The following GPA33 variants were observed in gnomAD, a reference collection of about 807,000 sequenced individuals.
GPA33 encodes the protein glycoprotein A33, also known as cell surface A33 antigen.
GPA33 carries 27 observed loss-of-function variants against 35.6 expected under a neutral mutation model. The ratio of observed to expected loss-of-function variants is 0.76; its 90% CI spans 0.56 to 1.04. The LOEUF (loss-of-function observed/expected upper bound fraction) is 1.04, where lower values mean the gene tolerates loss of function less well. Ranked by LOEUF, GPA33 falls within the 50% of genes least tolerant of loss-of-function variation. The probability of loss-of-function intolerance (pLI) is 0.00; values close to 1 mark genes in which losing one functional copy is unlikely to be tolerated. For synonymous variants in GPA33, 176 were observed against 164.0 expected, an observed-to-expected ratio of 1.07 and a Z score of -0.56; for missense variants, 428 against 411.9, an observed-to-expected ratio of 1.04 and a Z score of -0.34.
intron 1 of GPA33, among the ~76,000 whole-genome samples, chr1:167,073,796 C>T (rs1348732722): frequency 6.6e-6 from 1 of 152,182 alleles, no homozygotes; most frequent in African/African-American, 2.4e-5. Flanking sequence ...CTCAGCCCTA[C>T]TTCTTACCAG....
chr1:167,079,484 C>CAAAAAAA (rs59745946), intron 1 of GPA33, among the ~76,000 whole-genome samples: 1 of 75,616 alleles, frequency 1.3e-5, no homozygotes, highest in Non-Finnish European at 3.1e-5. Flanking sequence ...ACTCCGTCTC[C>CAAAAAAA]AAAAAAAAAA....
At chr1:167,056,827 A>ATG (rs1491064873) in intron 4 of GPA33, among the ~76,000 whole-genome samples, 170 of 8,984 alleles carry the variant, frequency 0.019, no homozygotes, top group African/African-American at 0.023. Flanking sequence ...CAGCGTTTGT[A>ATG]GTGTGTGTGG....
chr1:167,073,676 C>T, intron 1 of GPA33, 137 bp from the exon 2 acceptor site: 2 of 730,438 alleles, frequency 2.7e-6, no homozygotes, highest in Non-Finnish European at 4.4e-6. Context: ...ATCTTGGCCA[C>T]CTTGGCCCTG....
intron 1 of GPA33, among the ~76,000 whole-genome samples, chr1:167,083,078 C>T (rs1432543809): frequency 6.6e-6 from 1 of 152,140 alleles, no homozygotes; most frequent in African/African-American, 2.4e-5. Context: ...CCCCCCAAGT[C>T]CACTATGTCC....
At chr1:167,083,297 TGA>T (rs1666989002) in intron 1 of GPA33, among the ~76,000 whole-genome samples, 1 of 152,226 alleles carries the variant, frequency 6.6e-6, no homozygotes, top group Non-Finnish European at 1.5e-5. Context: ...AGGAACATTT[TGA>T]GAGAAGCAAG....
intron 3 of GPA33, among the ~76,000 whole-genome samples, chr1:167,065,911 T>C (rs1887537): frequency 0.73 from 111,250 of 151,944 alleles, 41,412 homozygotes; most frequent in Non-Finnish European, 0.78. Flanking sequence ...AGTCTGCGGC[T>C]TAAGGACCAC....
In GPA33 at chr1:167,063,743, T is replaced by C. The variant is rs1666522130; in HGVS notation, c.416-6A>G. The C allele has an allele frequency of 6.2e-7, 1 of 1,610,408 alleles. No homozygotes were observed. Among genetic ancestry groups the C allele is most frequent in the East Asian group, 2.2e-5 (1 of 44,814 alleles). On this transcript the variant is annotated splice_polypyrimidine_tract_variant and splice_region_variant and intron_variant, in intron 3 of 6. Coordinates refer to ENST00000367868, the MANE Select transcript of GPA33 (RefSeq NM_005814.3). ...TTCTGGTTTGGAGGGTGGCACTATATAGAGGAGAGACCAAAGAGAAGGCAT... is the reference window on the plus strand; with the variant it reads ...TTCTGGTTTGGAGGGTGGCACTATACAGAGGAGAGACCAAAGAGAAGGCAT...
Position 167,086,157 on chromosome 1 carries a change from A to G in GPA33, c.43+4088T>C, listed in dbSNP as rs148442444. Among the ~76,000 whole-genome samples, 153 of 152,378 alleles carry G rather than the reference A, an allele frequency of 1.0e-3. 1 individual carries two copies. Among genetic ancestry groups the G allele is most frequent in the African/African-American group, 3.4e-3 (142 of 41,588 alleles). On this transcript the variant is annotated intron_variant, in intron 1 of 6. Transcript: ENST00000367868. Reference sequence around the variant, plus strand: ...GCGTCTCTGACAGGGAGGCAATGTGATTCATTCCAGGTGCATGAGCTCTTC... The same window carrying G: ...GCGTCTCTGACAGGGAGGCAATGTGGTTCATTCCAGGTGCATGAGCTCTTC...
intron 2 of GPA33, among the ~76,000 whole-genome samples, chr1:167,071,553 G>C (rs532010047): frequency 2.0e-5 from 3 of 152,336 alleles, no homozygotes; most frequent in African/African-American, 7.2e-5. Context: ...CAACAGACCA[G>C]GTTGAGGCAG....
intron 1 of GPA33, among the ~76,000 whole-genome samples, chr1:167,087,908 T>TCACACACACACACACA (rs1491326252): frequency 0.012 from 1,792 of 149,170 alleles, 30 homozygotes; most frequent in African/African-American, 0.018. Context: ...CCAGACTCTG[T>TCACACACACACACACA]CTCACACACA....
At chr1:167,079,496 A>G (rs575198592) in intron 1 of GPA33, among the ~76,000 whole-genome samples, 5 of 152,108 alleles carry the variant, frequency 3.3e-5, no homozygotes, top group South Asian at 4.1e-4. Context: ...AAAAAAAAAA[A>G]AAAAAGAAAA....
intron 4 of GPA33, among the ~76,000 whole-genome samples, chr1:167,062,646 C>CTTTTTTGTTTT (rs1666483366): frequency 1.3e-5 from 1 of 79,990 alleles, no homozygotes; most frequent in Non-Finnish European, 2.4e-5. Flanking sequence ...ATAGCTCTTT[C>CTTTTTTGTTTT]TTTTTTTTTT....
intron 4 of GPA33, among the ~76,000 whole-genome samples, chr1:167,060,465 C>T (rs1371899850): frequency 6.6e-6 from 1 of 152,174 alleles, no homozygotes; most frequent in Non-Finnish European, 1.5e-5. Flanking sequence ...CTCCAGATGC[C>T]AGGGCATGTT....
chr1:167,075,961 G>A (rs1482906951), intron 1 of GPA33, among the ~76,000 whole-genome samples: 1 of 152,178 alleles, frequency 6.6e-6, no homozygotes, highest in African/African-American at 2.4e-5. Context: ...GTCATTGGAT[G>A]TGGCCACATG....
At chr1:167,082,376 G>T (rs1666966902) in intron 1 of GPA33, 2 of 450,654 alleles carry the variant, frequency 4.4e-6, no homozygotes, top group African/African-American at 2.0e-5. Flanking sequence ...AGTAGAGACA[G>T]TGAGGGCAGC....
intron 3 of GPA33, among the ~76,000 whole-genome samples, chr1:167,066,151 C>A (rs569638142): frequency 6.6e-6 from 1 of 152,304 alleles, no homozygotes; most frequent in South Asian, 2.1e-4. Context: ...AAACACCAAT[C>A]CCACCTGAGG....
chr1:167,056,714 G>GGCA (rs2102166724), intron 4 of GPA33, among the ~76,000 whole-genome samples: 3 of 3,700 alleles, frequency 8.1e-4, no homozygotes, highest in Admixed American at 2.3e-3. Flanking sequence ...TGTGTAGTGT[G>GGCA]TGTGTAGTGT....
chr1:167,086,311 G>A (rs1297553765), intron 1 of GPA33, among the ~76,000 whole-genome samples: 1 of 152,240 alleles, frequency 6.6e-6, no homozygotes, highest in Non-Finnish European at 1.5e-5. Flanking sequence ...TGGTGGGCGG[G>A]CCGCTTATCT....
chr1:167,064,230 G>T (rs1039546940), intron 3 of GPA33, among the ~76,000 whole-genome samples: 1 of 152,108 alleles, frequency 6.6e-6, no homozygotes, highest in African/African-American at 2.4e-5. Flanking sequence ...GTTGCAGTGA[G>T]CTGAGATCGT....
Sources: allele counts gnomAD v4.1 joint callset (sites outside exome capture counted in the v4.1 genomes callset), GRCh38; gene constraint gnomAD v4.1.1; transcripts MANE v1.5; gene names NCBI Gene and HGNC (gene_info 2026-07-23, HGNC 2026-07-21).